The following NUDC variants were observed in gnomAD, a reference collection of about 807,000 sequenced individuals.
The protein encoded by NUDC is nuclear distribution C, dynein complex regulator.
In NUDC, 14 loss-of-function variants were observed where a neutral mutation model predicts 45.0. The observed-to-expected ratio is 0.31, with a 90% CI of 0.21 to 0.49. The LOEUF is 0.49. Ranked by LOEUF, NUDC falls within the 20% of genes least tolerant of loss-of-function variation. The pLI, the probability that NUDC is intolerant of heterozygous loss-of-function variation, is 0.99. For missense variants in NUDC, 323 were observed against 426.2 expected (o/e 0.76, Z 2.13); for synonymous variants, 153 against 156.7 (o/e 0.98, Z 0.17).
chr1:26,931,225 GT>G (rs1290039616), intron 2 of NUDC, among the ~76,000 whole-genome samples: 1 of 148,906 alleles, frequency 6.7e-6, no homozygotes, highest in African/African-American at 2.5e-5. Flanking sequence ...TTACAGGCGT[GT>G]GCCACCACGC....
intron 2 of NUDC, among the ~76,000 whole-genome samples, chr1:26,909,137 G>A (rs2082014634): frequency 6.6e-6 from 1 of 151,972 alleles, no homozygotes; most frequent in South Asian, 2.1e-4. Context: ...GCCATGCCTG[G>A]CTAATTTTTG....
At chr1:26,906,057 G>A (rs569063358) in intron 2 of NUDC, among the ~76,000 whole-genome samples, 26 of 152,270 alleles carry the variant, frequency 1.7e-4, no homozygotes, top group African/African-American at 6.3e-4. Flanking sequence ...CGAGGCGGGC[G>A]GATCACCTGA....
chr1:26,943,992 T>G (rs1033901022), intron 6 of NUDC, among the ~76,000 whole-genome samples: 1 of 151,560 alleles, frequency 6.6e-6, no homozygotes, highest in African/African-American at 2.4e-5. Context: ...ATTCTCCTGC[T>G]TCAGCCTCCA....
At position 26,924,197 on chromosome 1, in the gene NUDC, G is replaced by T. The variant is rs760550167; in HGVS notation, c.159+31G>T. The T allele has an allele frequency of 3.1e-6, 5 of 1,593,940 alleles. No homozygotes were observed. In the South Asian group the frequency reaches 5.5e-5, roughly 18 times the overall value. On this transcript the variant is annotated intron_variant, in intron 2 of 8. Coordinates refer to ENST00000321265, the MANE Select transcript of NUDC (RefSeq NM_006600.4). ...TGTTGGAAACCACTGTCCTTTGGGC[G>T]GCTCTGTCTCTTCAGAAGAAAAGCT...
intron 3 of NUDC, chr1:26,911,694 T>C (rs1428388662): frequency 2.3e-6 from 2 of 866,298 alleles, no homozygotes; most frequent in African/African-American, 1.7e-5. Context: ...CAATGTGGGG[T>C]GTGGCTGAGT....
chr1:26,909,356 G>A (rs1042488516), intron 2 of NUDC, among the ~76,000 whole-genome samples: 2 of 152,098 alleles, frequency 1.3e-5, no homozygotes, highest in African/African-American at 2.4e-5. Context: ...GGGCTCAAGC[G>A]ATCCTATCAC....
intron 2 of NUDC, among the ~76,000 whole-genome samples, chr1:26,903,633 C>T (rs1229761759): frequency 1.3e-5 from 2 of 151,948 alleles, no homozygotes; most frequent in Non-Finnish European, 1.5e-5. Flanking sequence ...TTTGAGAGGC[C>T]GAGGCAGAAG....
At position 26,902,825 on chromosome 1, in the gene NUDC, G is replaced by C. The variant is rs2124044777; in HGVS notation, c.-16+459G>C. On this transcript the variant is annotated intron_variant, in intron 2 of 6. Transcript: ENST00000435827. The stretch of plus-strand genomic sequence containing the variant: ...GCACTTTGGGAGGCTGAGGTGGGCG[G>C]ATCACTTGAGGTCCAGAGTTCGAGA... 1.3e-5 allele frequency among the ~76,000 whole-genome samples: 2 copies of C among 152,176 alleles called. 1 individual carries two copies. Among genetic ancestry groups the C allele is most frequent in the South Asian group, 4.2e-4 (2 of 4,818 alleles).
intron 3 of NUDC, chr1:26,911,546 G>A (rs889306750): frequency 1.2e-5 from 5 of 432,170 alleles, no homozygotes; most frequent in East Asian, 9.8e-5. Context: ...GTATAAAGTC[G>A]ATAGGACTTC....
chr1:26,943,406 G>C (rs551856666), intron 6 of NUDC, among the ~76,000 whole-genome samples: 3 of 152,148 alleles, frequency 2.0e-5, no homozygotes, highest in East Asian at 1.9e-4. Flanking sequence ...GTAGAGACCG[G>C]GGGGTCTCAC....
intron 8 of NUDC, 23 bp from the exon 9 acceptor site, chr1:26,946,107 T>C (rs1455103144): frequency 6.2e-7 from 1 of 1,609,732 alleles, no homozygotes; most frequent in Admixed American, 1.7e-5. Context: ...ATGAGCTGTT[T>C]CATCTTGCTT....
At chr1:26,938,490 T>C (rs561866532) in intron 2 of NUDC, among the ~76,000 whole-genome samples, 62 of 152,326 alleles carry the variant, frequency 4.1e-4, no homozygotes, top group African/African-American at 1.4e-3. Flanking sequence ...AATTATGACC[T>C]ATTGTTTCTA....
At chr1:26,913,662 G>A in intron 3 of NUDC, 1 of 1,613,710 alleles carries the variant, frequency 6.2e-7, no homozygotes, top group Non-Finnish European at 8.5e-7. Flanking sequence ...GGAAGAGGGG[G>A]CCCCAGCAAC....
chr1:26,914,975 A>ATCTATGTATATG (rs1553162205), intron 3 of NUDC, among the ~76,000 whole-genome samples: 4 of 141,304 alleles, frequency 2.8e-5, no homozygotes, highest in African/African-American at 1.1e-4. Flanking sequence ...TCAAAAAAAT[A>ATCTATGTATATG]TATATGTATA....
intron 2 of NUDC, among the ~76,000 whole-genome samples, chr1:26,931,992 T>C (rs1283866256): frequency 6.6e-6 from 1 of 150,488 alleles, no homozygotes; most frequent in Non-Finnish European, 1.5e-5. Context: ...GGCCCCTTTT[T>C]TTTTTTTTAA....
At chr1:26,915,972 C>A (rs1374029583) in intron 3 of NUDC, among the ~76,000 whole-genome samples, 1 of 152,128 alleles carries the variant, frequency 6.6e-6, no homozygotes, top group Admixed American at 6.6e-5. Context: ...TGACCTTGGG[C>A]AAATCACTTT....
intron 1 of NUDC, among the ~76,000 whole-genome samples, chr1:26,901,651 C>T (rs1570705246): frequency 6.6e-6 from 1 of 151,984 alleles, no homozygotes; most frequent in East Asian, 1.9e-4. Context: ...GTGATCCACC[C>T]GCCTTGGCCT....
chr1:26,908,127 C>T (rs564719701), intron 2 of NUDC, among the ~76,000 whole-genome samples: 1 of 152,004 alleles, frequency 6.6e-6, no homozygotes, highest in South Asian at 2.1e-4. Context: ...TGCAGTGAGC[C>T]GAGATCGCGC....
chr1:26,900,359 A>C (rs773220793), exon 1 of NUDC: 2 of 1,614,032 alleles, frequency 1.2e-6, no homozygotes, highest in South Asian at 1.1e-5. Context: ...AGCTCCGTAA[A>C]TGGGCCGAGC....
Sources: gnomAD v4.1 joint callset for allele counts (sites outside exome capture counted in the v4.1 genomes callset) on GRCh38, gnomAD v4.1.1 for gene constraint, MANE v1.5 for transcripts, NCBI Gene and HGNC (gene_info 2026-07-23, HGNC 2026-07-21) for gene names.